The following ATP13A5 variants were observed in gnomAD, a reference collection of about 807,000 sequenced individuals.
ATP13A5 encodes ATPase 13A5.
In ATP13A5, 149 loss-of-function variants were observed where a neutral mutation model predicts 150.2. That is an observed-to-expected ratio of 0.99 (90% CI 0.87 to 1.14). The LOEUF (loss-of-function observed/expected upper bound fraction) is 1.14, where lower values mean the gene tolerates loss of function less well. Among genes scored for constraint, ATP13A5 ranks in the 50% most tolerant of loss-of-function variants. ATP13A5 has a pLI of 0.00. For missense variants in ATP13A5, 1,383 were observed against 1,449.3 expected (o/e 0.95, Z 0.74); for synonymous variants, 497 against 522.2 (o/e 0.95, Z 0.66).
At position 193,290,046 on chromosome 3, in the gene ATP13A5, A is replaced by G. The variant is rs377322834; in HGVS notation, c.2862T>C (p.His954=). The change falls in exon 26 of 30, where the codon CAT becomes CAC. Residue 954 remains histidine, a synonymous_variant. Transcript: ENST00000342358. ...TATATGGAGCCAGCTTTGGGTAGGC[A>G]TGAGTTGAACTCACTGAAAGACAAA... ...LMVCLTMSST[H]AYPKLAPYRP... The G allele has an allele frequency of 6.2e-7, 1 of 1,606,278 alleles. No individual in the cohort carries two copies. The highest frequency in any genetic ancestry group is 1.3e-5 in the African/African-American group (1 of 74,382).
chr3:193,344,169 A>G, intron 8 of ATP13A5, 114 bp from the exon 9 acceptor site: 1 of 1,321,094 alleles, frequency 7.6e-7, no homozygotes, highest in South Asian at 1.5e-5. Flanking sequence ...CTACCTGTTC[A>G]ACTGTTGAAG....
chr3:193,328,682 T>G (rs1711510958), intron 12 of ATP13A5, among the ~76,000 whole-genome samples: 2 of 152,176 alleles, frequency 1.3e-5, no homozygotes, highest in Non-Finnish European at 2.9e-5. Context: ...TTAGCATAAA[T>G]TCAAGCCCAG....
chr3:193,363,381 T>C lies in ATP13A5; in HGVS notation c.239A>G (p.Asp80Gly). 6.2e-7 allele frequency: 1 copy of C among 1,611,008 alleles called. No homozygotes were observed. The highest frequency in any genetic ancestry group is 1.1e-5 in the South Asian group (1 of 90,352). ...EADTVLLRTTDEFQRYMRKKV... is the reference protein window; with the variant it reads ...EADTVLLRTTGEFQRYMRKKV... ...CTTCCTCATATATCTTTGAAATTCG[T>C]CCTGGAAAAGACAATCCAGTTCATG... The change falls in exon 3 of 30, where the codon GAC becomes GGC. Residue 80 changes from aspartate (D) to glycine (G), a missense_variant and splice_region_variant. Coordinates refer to ENST00000342358, the MANE Select transcript of ATP13A5 (RefSeq NM_198505.4).
intron 5 of ATP13A5, among the ~76,000 whole-genome samples, chr3:193,361,580 G>T (rs1187973244): frequency 6.6e-6 from 1 of 152,200 alleles, no homozygotes. Context: ...AGAAATAAAG[G>T]TGATTATAAG....
chr3:193,281,021 A>C (rs1039456520), intron 27 of ATP13A5: 2 of 174,982 alleles, frequency 1.1e-5, no homozygotes, highest in Non-Finnish European at 2.2e-5. Context: ...ATATTTATTC[A>C]TGCCTCACTT....
At chr3:193,374,962 G>T (rs1713589169) in intron 1 of ATP13A5, among the ~76,000 whole-genome samples, 1 of 152,144 alleles carries the variant, frequency 6.6e-6, no homozygotes, top group African/African-American at 2.4e-5. Flanking sequence ...GACACAGCAA[G>T]AAGGCCCTCA....
intron 27 of ATP13A5, 33 bp downstream of exon 27, chr3:193,284,881 T>C (rs1717650907): frequency 6.5e-7 from 1 of 1,547,822 alleles, no homozygotes; most frequent in Non-Finnish European, 8.8e-7. Context: ...TGGGAAAATA[T>C]TCAGAAAGAA....
intron 16 of ATP13A5, among the ~76,000 whole-genome samples, chr3:193,320,468 C>T (rs1194402032): frequency 1.3e-5 from 2 of 152,010 alleles, no homozygotes; most frequent in Non-Finnish European, 2.9e-5. Context: ...AGTGACAGGC[C>T]CAAATCCTTA....
In ATP13A5 at chr3:193,314,108, A is replaced by G. The variant is rs923572595; in HGVS notation, c.2244T>C (p.Asp748=). The change falls in exon 19 of 30, where the codon GAT becomes GAC. Residue 748 remains aspartate (D), a synonymous_variant. Transcript: ENST00000342358. ...AGGCAGGAACAAATTCTTCTGGTTCATCGGCCTCAACAATGATCACTTGGC... is the reference window on the plus strand; with the variant it reads ...AGGCAGGAACAAATTCTTCTGGTTCGTCGGCCTCAACAATGATCACTTGGC... ...PGSQVIIVEA[D]EPEEFVPASV... The G allele has an allele frequency of 6.2e-7, 1 of 1,613,938 alleles. No individual in the cohort carries two copies. The highest frequency in any genetic ancestry group is 8.5e-7 in the Non-Finnish European group (1 of 1,179,882).
chr3:193,277,292 G>C (rs1717263921), intron 28 of ATP13A5, among the ~76,000 whole-genome samples: 1 of 152,220 alleles, frequency 6.6e-6, no homozygotes, highest in Non-Finnish European at 1.5e-5. Context: ...GATGCAGATT[G>C]CTTCTGGCCC....
At chr3:193,364,010 C>G (rs1713141630) in intron 2 of ATP13A5, 97 bp downstream of exon 2, 6 of 1,308,552 alleles carry the variant, frequency 4.6e-6, no homozygotes, top group African/African-American at 3.0e-5. Context: ...AGGAAATCTA[C>G]CTTCTGAAAT....
Position 193,348,798 on chromosome 3 carries a change from G to GTC in ATP13A5, c.741+2268_741+2269insGA, listed in dbSNP as rs1482735228. Among the ~76,000 whole-genome samples the GTC allele has an allele frequency of 5.9e-5, 9 of 152,276 alleles. 1 individual carries two copies. Among genetic ancestry groups the GTC allele is most frequent in the African/African-American group, 2.2e-4 (9 of 41,564 alleles). ...TGCTCCTTCTTTCAGTCCTGCCAAA[G>GTC]CCCTTCCCCAAATCTTACTGCTGCA... On this transcript the variant is annotated intron_variant, in intron 7 of 29. Coordinates refer to ENST00000342358, the MANE Select transcript of ATP13A5 (RefSeq NM_198505.4).
chr3:193,366,416 G>T (rs1377487354), intron 1 of ATP13A5, among the ~76,000 whole-genome samples: 2 of 151,950 alleles, frequency 1.3e-5, no homozygotes, highest in African/African-American at 2.4e-5. Flanking sequence ...AGTATACTGG[G>T]CAAACAGTGG....
intron 16 of ATP13A5, among the ~76,000 whole-genome samples, chr3:193,319,625 C>T (rs983768132): frequency 3.9e-5 from 6 of 152,206 alleles, no homozygotes; most frequent in African/African-American, 9.6e-5. Flanking sequence ...TTCAAGCACG[C>T]AGTCTATGGT....
At chr3:193,361,617 C>T (rs1360753340) in intron 5 of ATP13A5, among the ~76,000 whole-genome samples, 1 of 152,132 alleles carries the variant, frequency 6.6e-6, no homozygotes, top group East Asian at 1.9e-4. Flanking sequence ...GTAATGATTT[C>T]CTTTCAGATT....
chr3:193,360,878 T>C (rs1338596136), intron 5 of ATP13A5, among the ~76,000 whole-genome samples: 1 of 152,218 alleles, frequency 6.6e-6, no homozygotes, highest in Non-Finnish European at 1.5e-5. Flanking sequence ...AGTTTCACCA[T>C]GTTGGCCAGG....
At chr3:193,341,172 C>G (rs1026262780) in intron 9 of ATP13A5, among the ~76,000 whole-genome samples, 1 of 137,062 alleles carries the variant, frequency 7.3e-6, no homozygotes, top group Admixed American at 7.0e-5. Flanking sequence ...ATTCCCCCCC[C>G]CTCCCAAATG....
chr3:193,334,030 A>G (rs2108875300), intron 10 of ATP13A5, 123 bp from the exon 11 acceptor site: 1 of 866,600 alleles, frequency 1.2e-6, no homozygotes, highest in East Asian at 2.7e-5. Context: ...TAATCATTTT[A>G]TAAGTTTTCA....
intron 28 of ATP13A5, 51 bp from the exon 29 acceptor site, chr3:193,276,881 A>G (rs779171691): frequency 2.4e-6 from 3 of 1,260,898 alleles, no homozygotes; most frequent in Admixed American, 2.0e-5. Flanking sequence ...CACACTTTGA[A>G]AAAAGACCAT....
Sources: gnomAD v4.1 joint callset for allele counts (sites outside exome capture counted in the v4.1 genomes callset) on GRCh38, gnomAD v4.1.1 for gene constraint, MANE v1.5 for transcripts, NCBI Gene and HGNC (gene_info 2026-07-23, HGNC 2026-07-21) for gene names.